The following MMP2 variants were observed in gnomAD, a reference collection of about 807,000 sequenced individuals.
MMP2 encodes matrix metallopeptidase 2.
A neutral mutation model predicts 74.8 loss-of-function variants in MMP2; 39 were observed. The ratio of observed to expected loss-of-function variants is 0.52; its 90% CI spans 0.40 to 0.68. The LOEUF is 0.68. Ranked by LOEUF, MMP2 falls within the 30% of genes least tolerant of loss-of-function variation. MMP2 has a pLI of 0.00. For synonymous variants in MMP2, 367 were observed against 339.8 expected (o/e 1.08, Z -0.88); for missense variants, 803 against 878.3 (o/e 0.91, Z 1.08).
chr16:55,489,806 G>T lies in MMP2; in HGVS notation c.1162G>T (p.Gly388Cys). 1 of 1,614,070 alleles carries T rather than the reference G, an allele frequency of 6.2e-7. No individual in the cohort carries two copies. Among genetic ancestry groups the T allele is most frequent in the South Asian group, 1.1e-5 (1 of 91,080 alleles). ...TANYDDDRKW[G>C]FCPDQGYSLF... ...CAACTACGATGATGACCGCAAGTGGGGCTTCTGCCCTGACCAAGGTACGAG... is the reference window on the plus strand; with the variant it reads ...CAACTACGATGATGACCGCAAGTGGTGCTTCTGCCCTGACCAAGGTACGAG... Residue 388 changes from glycine (G) to cysteine (C), a missense_variant, in exon 7 of 13, where the codon GGC becomes TGC. Gly to Cys is a radical substitution (Grantham distance 159). Transcript: ENST00000219070.
chr16:55,489,921 T>C, intron 7 of MMP2, 97 bp downstream of exon 7: 1 of 1,382,530 alleles, frequency 7.2e-7, no homozygotes, highest in South Asian at 1.2e-5. Flanking sequence ...ACTTCAAGCA[T>C]AGACACTGCC....
At position 55,484,054 on chromosome 16, in the gene MMP2, T is replaced by A; in HGVS notation, c.419T>A (p.Val140Glu). The A allele has an allele frequency of 6.2e-7, 1 of 1,614,084 alleles. No homozygotes were observed. The highest frequency in any genetic ancestry group is 8.5e-7 in the Non-Finnish European group (1 of 1,180,002). ...ACACCTGATCTGGACCCAGAGACAG[T>A]GGATGATGCCTTTGCTCGTGCCTTC... ...GYTPDLDPETVDDAFARAFQV... is the reference protein window; with the variant it reads ...GYTPDLDPETEDDAFARAFQV... The change falls in exon 3 of 13, where the codon GTG becomes GAG. Residue 140 changes from valine to glutamate, a missense_variant. Physicochemically the swap from Val to Glu is moderately radical, Grantham distance 121. Around this residue, in one of 3 missense-constraint regions of MMP2, gnomAD observed 223 missense variants for 232.8 expected, o/e 0.96. Coordinates refer to ENST00000219070, the MANE Select transcript of MMP2 (RefSeq NM_004530.6).
intron 9 of MMP2, among the ~76,000 whole-genome samples, chr16:55,493,513 T>C (rs1962465911): frequency 6.6e-6 from 1 of 152,204 alleles, no homozygotes; most frequent in South Asian, 2.1e-4. Flanking sequence ...CTACTAGTTA[T>C]CTTGACTTTC....
At chr16:55,491,070 C>G (rs1392384794) in intron 7 of MMP2, among the ~76,000 whole-genome samples, 1 of 124,366 alleles carries the variant, frequency 8.0e-6, no homozygotes, top group East Asian at 2.5e-4. Context: ...TGCCTCTCCT[C>G]CTTTTTTTTT....
chr16:55,481,909 C>T, intron 1 of MMP2: 1 of 719,626 alleles, frequency 1.4e-6, no homozygotes, highest in Non-Finnish European at 2.6e-6. Context: ...AGCCATTATT[C>T]TATTATATTA....
chr16:55,479,380 C>A lies in MMP2; in HGVS notation c.-100C>A, dbSNP rs1249399665. ...ACCGAGCCAGCGGACCCTCGGAGCG[C>A]AGCCCTGCGCCGCGGAGCAGGCTCC... On this transcript the variant is annotated 5_prime_UTR_variant, in exon 1 of 13. Transcript: ENST00000219070. 3 of 1,299,954 alleles carry A rather than the reference C, an allele frequency of 2.3e-6. No homozygotes were observed. The highest frequency in any genetic ancestry group is 2.9e-6 in the Non-Finnish European group (3 of 1,018,058). The allele number at this position is 1,299,954 out of a possible 1,614,324, so 80.5% of individuals were successfully genotyped here. A position where few individuals can be genotyped will look rare whatever the true frequency, so the allele number is the denominator to read the frequency against.
At chr16:55,481,757 C>A in intron 1 of MMP2, 1 of 701,928 alleles carries the variant, frequency 1.4e-6, no homozygotes, top group Non-Finnish European at 2.7e-6. Flanking sequence ...GTGCATGAAC[C>A]AACCAGCTGG....
rs377562843 is a variant in MMP2 at position 55,505,425 on chromosome 16, G to A, written c.1966G>A (p.Asp656Asn). 17 of 1,613,874 alleles carry A rather than the reference G, an allele frequency of 1.1e-5. No homozygotes were observed. The highest frequency in any genetic ancestry group is 2.7e-5 in the African/African-American group (2 of 74,876). The change falls in exon 13 of 13, where the codon GAC (aspartate) becomes AAC (asparagine). Residue 656 changes from aspartate to asparagine, a missense_variant. By Grantham distance (23) the Asp-to-Asn change is conservative. Around this residue, in one of 3 missense-constraint regions of MMP2, gnomAD observed 555 missense variants for 592.0 expected, o/e 0.94. Coordinates refer to ENST00000219070, the MANE Select transcript of MMP2 (RefSeq NM_004530.6). ...KSVKFGSIKS[D>N]WLGC is the part of the protein sequence containing the mutation. Reference sequence around the variant, plus strand: ...CGTGAAGTTTGGAAGCATCAAATCCGACTGGCTAGGCTGCTGAGCTGGCCC... The same window carrying A: ...CGTGAAGTTTGGAAGCATCAAATCCAACTGGCTAGGCTGCTGAGCTGGCCC...
intron 8 of MMP2, among the ~76,000 whole-genome samples, chr16:55,492,472 TATTG>T (rs1365643136): frequency 7.9e-6 from 1 of 126,160 alleles, no homozygotes; most frequent in East Asian, 2.3e-4. Context: ...TTTATTTATT[TATTG>T]TTGGTTCTTA....
intron 9 of MMP2, among the ~76,000 whole-genome samples, chr16:55,496,067 G>T (rs1446301309): frequency 6.6e-6 from 1 of 152,220 alleles, no homozygotes; most frequent in Non-Finnish European, 1.5e-5. Context: ...GCTTAGACCA[G>T]TAGTTCTCAA....
rs1962176339 is a variant in MMP2, at chr16:55,484,085, C to T, written c.450C>T (p.Val150=). 6.2e-7 allele frequency: 1 copy of T among 1,614,062 alleles called. No individual in the cohort carries two copies. Among genetic ancestry groups the T allele is most frequent in the Non-Finnish European group, 8.5e-7 (1 of 1,180,050 alleles). ...ATGCCTTTGCTCGTGCCTTCCAAGT[C>T]TGGAGCGATGTGACCCCACTGCGGT... is the stretch of plus-strand genomic sequence containing the variant. ...VDDAFARAFQ[V]WSDVTPLRFS... The change falls in exon 3 of 13, where the codon GTC becomes GTT. Residue 150 remains valine (V), a synonymous_variant. Transcript: ENST00000219070.
intron 11 of MMP2, among the ~76,000 whole-genome samples, chr16:55,500,538 C>CACACACACACACACACACACACACACAG (rs1227112652): frequency 2.7e-5 from 4 of 147,626 alleles, no homozygotes; most frequent in African/African-American, 9.9e-5. Context: ...CACACACACA[C>CACACACACACACACACACACACACACAG]AGGCATGGAG....
chr16:55,482,536 C>T (rs1211819552), intron 1 of MMP2, among the ~76,000 whole-genome samples: 5 of 152,216 alleles, frequency 3.3e-5, no homozygotes, highest in South Asian at 2.1e-4. Flanking sequence ...ACTGTGTGAT[C>T]GTAAGCAAGT....
intron 1 of MMP2, among the ~76,000 whole-genome samples, chr16:55,482,059 TATCAGCC>T (rs1962119126): frequency 6.6e-6 from 1 of 152,246 alleles, no homozygotes; most frequent in South Asian, 2.1e-4. Context: ...ATTTGGGATC[TATCAGCC>T]TCCCTGCTAG....
chr16:55,500,844 C>T (rs1255884268), intron 11 of MMP2, among the ~76,000 whole-genome samples: 3 of 152,174 alleles, frequency 2.0e-5, no homozygotes, highest in Non-Finnish European at 4.4e-5. Context: ...GAGAGAGAGC[C>T]CCAGAGTGAC....
rs1962573123 is a variant in MMP2 at position 55,498,036 on chromosome 16, G to A, written c.1610-253G>A. ...TTTATGACAGCAAGGCCCTTAGAGT[G>A]CACGACTTGGTGAGCAGAGTGTGAG... is the stretch of plus-strand genomic sequence containing the variant. On this transcript the variant is annotated intron_variant, in intron 10 of 12. Transcript: ENST00000219070. Among the ~76,000 whole-genome samples the A allele has an allele frequency of 2.6e-5, 4 of 152,332 alleles. No homozygotes were observed. In the South Asian group the frequency reaches 8.3e-4, roughly 32 times the overall value.
intron 11 of MMP2, among the ~76,000 whole-genome samples, chr16:55,501,577 G>A (rs1359874432): frequency 2.0e-5 from 3 of 152,204 alleles, no homozygotes; most frequent in Admixed American, 6.5e-5. Context: ...GCATGAGGAA[G>A]CATGCCAGGT....
rs1962417397 is a variant in MMP2 at position 55,491,950 on chromosome 16, C to A, written c.1330C>A (p.Leu444Ile). 6.2e-7 allele frequency: 1 copy of A among 1,603,398 alleles called. No homozygotes were observed. Among genetic ancestry groups the A allele is most frequent in the Non-Finnish European group, 8.5e-7 (1 of 1,173,740 alleles). Residue 444 changes from leucine to isoleucine, a missense_variant, in exon 8 of 13, where the codon CTC becomes ATC. Physicochemically the swap from Leu to Ile is conservative, Grantham distance 5. This residue lies in a region of MMP2 where 555 missense variants were observed against 592.0 expected (regional missense o/e 0.94). Transcript: ENST00000219070. Reference protein sequence around the residue: ...SQDDIKGIQELYGASPDIDLG... With the variant: ...SQDDIKGIQEIYGASPDIDLG... ...GGATGACATCAAGGGCATTCAGGAG[C>A]TCTATGGTAAACCTCCGGGCGGGGG...
Position 55,505,530 on chromosome 16 carries a change from G to GCAGCC in MMP2, c.*89_*93dup. On this transcript the variant is annotated 3_prime_UTR_variant, in exon 13 of 13. Coordinates refer to ENST00000219070, the MANE Select transcript of MMP2 (RefSeq NM_004530.6). ...CTAGAGAAGGACCCGGAGGGGCCTG[G>GCAGCC]CAGCCGTGCCTTCAGCTCTACAGCT... is the stretch of plus-strand genomic sequence containing the variant. 2 of 1,124,412 alleles carry GCAGCC rather than the reference G, an allele frequency of 1.8e-6. No homozygotes were observed. The highest frequency in any genetic ancestry group is 2.7e-6 in the Non-Finnish European group (2 of 737,170). 69.7% of individuals were successfully genotyped at this position (1,124,412 alleles called of 1,614,324 possible).
Sources: allele counts gnomAD v4.1 joint callset (sites outside exome capture counted in the v4.1 genomes callset), GRCh38; gene constraint gnomAD v4.1.1; regional missense constraint gnomAD v4.1.1; transcripts MANE v1.5; gene names NCBI Gene and HGNC (gene_info 2026-07-23, HGNC 2026-07-21).